The following ATP8A1 variants were observed in gnomAD, a reference collection of about 807,000 sequenced individuals.
The protein encoded by ATP8A1 is ATPase phospholipid transporting 8A1, also known as phospholipid-transporting ATPase IA.
Under a neutral mutation model 177.7 loss-of-function variants are expected in ATP8A1, and 90 were observed. The observed-to-expected ratio is 0.51, with a 90% confidence interval of 0.43 to 0.60. The LOEUF is 0.60. Among genes scored for constraint, ATP8A1 ranks in the 20% least tolerant of loss-of-function variants. The pLI, the probability that ATP8A1 is intolerant of heterozygous loss-of-function variation, is 0.00. For missense variants in ATP8A1, 1,072 were observed against 1,392.8 expected (o/e 0.77, Z 3.67); for synonymous variants, 493 against 485.9 (o/e 1.01, Z -0.19).
chr4:42,546,961 C>T (rs1729000365), intron 19 of ATP8A1, among the ~76,000 whole-genome samples: 2 of 152,256 alleles, frequency 1.3e-5, no homozygotes, highest in South Asian at 2.1e-4. Context: ...CCTTCCATTT[C>T]CCCCTCATTT....
At chr4:42,600,738 C>T (rs1735163914) in intron 5 of ATP8A1, among the ~76,000 whole-genome samples, 1 of 152,102 alleles carries the variant, frequency 6.6e-6, no homozygotes, top group Non-Finnish European at 1.5e-5. Flanking sequence ...TAACAGAGAG[C>T]ATCTGATTGG....
intron 1 of ATP8A1, among the ~76,000 whole-genome samples, chr4:42,647,106 C>T (rs6837120): frequency 0.47 from 71,144 of 151,754 alleles, 16,903 homozygotes; most frequent in Middle Eastern, 0.53. Context: ...AACCTCTAAA[C>T]TGCCAAGTCA....
intron 20 of ATP8A1, among the ~76,000 whole-genome samples, chr4:42,525,723 G>GA (rs1195331057): frequency 6.6e-6 from 1 of 151,906 alleles, no homozygotes; most frequent in Non-Finnish European, 1.5e-5. Context: ...ATTAGACCAG[G>GA]AAAAAATAAA....
intron 5 of ATP8A1, among the ~76,000 whole-genome samples, chr4:42,602,540 G>A (rs982799664): frequency 6.6e-6 from 1 of 152,192 alleles, no homozygotes; most frequent in Non-Finnish European, 1.5e-5. Context: ...GAGGTGAGCG[G>A]ATCACCTGAG....
chr4:42,602,817 A>T (rs1008525034), intron 5 of ATP8A1, among the ~76,000 whole-genome samples: 4 of 151,940 alleles, frequency 2.6e-5, no homozygotes, highest in African/African-American at 9.7e-5. Flanking sequence ...TAAATAAATG[A>T]GAGCTCCCCT....
chr4:42,623,715 G>C (rs907619725), intron 4 of ATP8A1, among the ~76,000 whole-genome samples: 2 of 152,144 alleles, frequency 1.3e-5, no homozygotes, highest in African/African-American at 4.8e-5. Context: ...GGTGGGAGGA[G>C]GGAGAGGATC....
intron 5 of ATP8A1, 92 bp downstream of exon 5, chr4:42,615,941 C>T: frequency 6.6e-6 from 8 of 1,210,996 alleles, no homozygotes; most frequent in Non-Finnish European, 9.4e-6. Context: ...GAGATGCACA[C>T]TATTTGCAAT....
At chr4:42,491,001 G>C (rs1722686369) in intron 24 of ATP8A1, among the ~76,000 whole-genome samples, 2 of 152,094 alleles carry the variant, frequency 1.3e-5, no homozygotes, top group South Asian at 4.2e-4. Context: ...AGTTAAAGTG[G>C]TTTTCTTGTG....
intron 33 of ATP8A1, among the ~76,000 whole-genome samples, chr4:42,438,698 A>C (rs1418919428): frequency 6.6e-6 from 1 of 152,118 alleles, no homozygotes; most frequent in Non-Finnish European, 1.5e-5. Context: ...GGATGGCTAC[A>C]AGACAAAAAG....
chr4:42,428,169 C>T (rs1714842196), intron 33 of ATP8A1, among the ~76,000 whole-genome samples: 2 of 152,198 alleles, frequency 1.3e-5, no homozygotes, highest in African/African-American at 2.4e-5. Context: ...CATACAAACA[C>T]CCTCCCTGGA....
At chr4:42,428,912 G>C (rs558516924) in intron 33 of ATP8A1, among the ~76,000 whole-genome samples, 1 of 152,158 alleles carries the variant, frequency 6.6e-6, no homozygotes, top group South Asian at 2.1e-4. Flanking sequence ...CACTACTTGG[G>C]CTTCCGTTAT....
At position 42,616,045 on chromosome 4, in the gene ATP8A1, T is replaced by G; in HGVS notation, c.397A>C (p.Lys133Gln). The change falls in exon 5 of 37, where the codon AAA (lysine) becomes CAA (glutamine). Residue 133 changes from lysine to glutamine, a missense_variant. Physicochemically the swap from Lys to Gln is moderately conservative, Grantham distance 53. Coordinates refer to ENST00000381668, the MANE Select transcript of ATP8A1 (RefSeq NM_006095.2). Reference protein sequence around the residue: ...RHKADNAVNKKQTQVLRNGAW... With the variant: ...RHKADNAVNKQQTQVLRNGAW... ...GTAAAATTCCTACCTTGCGTTTGTT[T>G]CTTGTTCACTGCATTATCAGCTTTA... 3 of 1,612,360 alleles carry G rather than the reference T, an allele frequency of 1.9e-6. No homozygotes were observed. The highest frequency in any genetic ancestry group is 2.5e-6 in the Non-Finnish European group (3 of 1,179,338).
intron 11 of ATP8A1, 29 bp from the exon 12 acceptor site, chr4:42,578,416 T>A: frequency 6.2e-6 from 10 of 1,603,346 alleles, no homozygotes; most frequent in Non-Finnish European, 8.5e-6. Context: ...AGAACGTCAT[T>A]TACAGTTTTA....
intron 5 of ATP8A1, among the ~76,000 whole-genome samples, chr4:42,615,310 T>C (rs528045367): frequency 1.6e-4 from 25 of 152,264 alleles, no homozygotes; most frequent in African/African-American, 3.6e-4. Context: ...AGTATAAAAA[T>C]AGTCTTCCTA....
At chr4:42,445,915 A>G (rs1269636195) in intron 31 of ATP8A1, among the ~76,000 whole-genome samples, 1 of 151,916 alleles carries the variant, frequency 6.6e-6, no homozygotes, top group African/African-American at 2.4e-5. Context: ...CCTTGTCTCT[A>G]CTAAAAATAC....
chr4:42,485,563 A>C lies in ATP8A1; in HGVS notation c.2257T>G (p.Leu753Val). The C allele has an allele frequency of 6.2e-7, 1 of 1,613,878 alleles. No homozygotes were observed. Among genetic ancestry groups the C allele is most frequent in the Non-Finnish European group, 8.5e-7 (1 of 1,179,838 alleles). Residue 753 changes from leucine (L) to valine (V), a missense_variant, in exon 25 of 37, where the codon TTA becomes GTA. By Grantham distance (32) the Leu-to-Val change is conservative. Transcript: ENST00000381668. The stretch of plus-strand genomic sequence containing the variant: ...AAATACTGTCGTACTCCAAAGGTTA[A>C]GGCATATTTGAGGGTTTTCCCATCA... ...IIDGKTLKYALTFGVRQYFLD... is the reference protein window; with the variant it reads ...IIDGKTLKYAVTFGVRQYFLD...
intron 20 of ATP8A1, among the ~76,000 whole-genome samples, chr4:42,531,328 T>C (rs1368987075): frequency 6.6e-6 from 1 of 152,184 alleles, no homozygotes; most frequent in Non-Finnish European, 1.5e-5. Context: ...AGGTGCTTGC[T>C]GAAGGCAAAG....
At chr4:42,471,277 C>CA (rs1018284962) in intron 25 of ATP8A1, among the ~76,000 whole-genome samples, 1 of 152,124 alleles carries the variant, frequency 6.6e-6, no homozygotes, top group Admixed American at 6.5e-5. Flanking sequence ...TCCTAGCCTC[C>CA]AAAACCAACA....
chr4:42,535,774 C>CAAGT (rs1727763361), intron 20 of ATP8A1, among the ~76,000 whole-genome samples: 9 of 152,118 alleles, frequency 5.9e-5, no homozygotes, highest in African/African-American at 2.2e-4. Flanking sequence ...TATCTTAGAC[C>CAAGT]ACAGTGGAAT....
Sources: gnomAD v4.1 joint callset for allele counts (sites outside exome capture counted in the v4.1 genomes callset) on GRCh38, gnomAD v4.1.1 for gene constraint, MANE v1.5 for transcripts, NCBI Gene and HGNC (gene_info 2026-07-23, HGNC 2026-07-21) for gene names.